Variants in RAD51B observed in about 807,000 individuals in gnomAD.
RAD51B encodes the protein DNA repair protein RAD51 homolog 2.
RAD51B carries 38 observed loss-of-function variants against 42.2 expected under a neutral mutation model. The ratio of observed to expected loss-of-function variants is 0.90; its 90% CI spans 0.70 to 1.18. RAD51B has a LOEUF of 1.18. Ranked by LOEUF, RAD51B falls within the 50% of genes most tolerant of loss-of-function variation. The pLI is 0.00. For missense variants in RAD51B, 373 were observed against 400.7 expected (o/e 0.93, Z 0.59); for synonymous variants, 154 against 145.2 (o/e 1.06, Z -0.43).
chr14:68,648,076 C>G (rs543302378), intron 10 of RAD51B, among the ~76,000 whole-genome samples: 1 of 79,298 alleles, frequency 1.3e-5, no homozygotes, highest in Non-Finnish European at 2.5e-5. Context: ...TATATATACA[C>G]GTATATATAC....
At chr14:67,823,716 G>C in intron 2 of RAD51B, 89 bp downstream of exon 2, 1 of 948,492 alleles carries the variant, frequency 1.1e-6, no homozygotes, top group African/African-American at 1.7e-5. Context: ...ATATGAAAAT[G>C]TAGGCTTACA....
intron 7 of RAD51B, among the ~76,000 whole-genome samples, chr14:68,173,260 T>C (rs1337002110): frequency 6.6e-6 from 1 of 152,268 alleles, no homozygotes; most frequent in Non-Finnish European, 1.5e-5. Flanking sequence ...TAGAGCCATT[T>C]GTAGTTAATA....
intron 8 of RAD51B, among the ~76,000 whole-genome samples, chr14:68,396,429 ATAATG>A (rs1274632146): frequency 1.3e-5 from 2 of 152,242 alleles, no homozygotes; most frequent in African/African-American, 2.4e-5. Context: ...GATAAAATAA[ATAATG>A]TAATTATCAG....
At chr14:68,247,939 A>G (rs542327712) in intron 7 of RAD51B, among the ~76,000 whole-genome samples, 1 of 152,342 alleles carries the variant, frequency 6.6e-6, no homozygotes, top group Admixed American at 6.5e-5. Context: ...AAATGCCTTC[A>G]TGTACATTTC....
At chr14:67,950,408 C>A (rs2074422065) in intron 7 of RAD51B, among the ~76,000 whole-genome samples, 2 of 152,196 alleles carry the variant, frequency 1.3e-5, no homozygotes, top group African/African-American at 2.4e-5. Context: ...TAGCTTCCAA[C>A]TTTTCTTTTA....
chr14:68,497,622 C>A, intron 10 of RAD51B: 1 of 761,462 alleles, frequency 1.3e-6, no homozygotes, highest in Non-Finnish European at 1.7e-6. Context: ...GCATCTCTGT[C>A]TAGTTCCAAA....
chr14:68,248,059 G>A (rs959247239), intron 7 of RAD51B, among the ~76,000 whole-genome samples: 1 of 152,184 alleles, frequency 6.6e-6, no homozygotes, highest in African/African-American at 2.4e-5. Context: ...CAACTCACCA[G>A]CACAGCGAGG....
At position 68,632,231 on chromosome 14, in the gene RAD51B, C is replaced by T. The variant is rs535116911; in HGVS notation, c.1037-18550C>T. Among the ~76,000 whole-genome samples the T allele has an allele frequency of 2.2e-4, 33 of 152,122 alleles. 1 individual carries two copies. Among genetic ancestry groups the T allele is most frequent in the Non-Finnish European group, 3.8e-4 (26 of 68,032 alleles). ...CTAGTGTCTGGAGCTTCACATCCTC[C>T]GGGAGGTTCTTTACTGATACTTTCA... On this transcript the variant is annotated intron_variant, in intron 10 of 11. Coordinates refer to the RAD51B transcript ENST00000488612.
intron 7 of RAD51B, among the ~76,000 whole-genome samples, chr14:68,156,196 G>A (rs945524053): frequency 3.3e-5 from 5 of 152,166 alleles, no homozygotes; most frequent in Non-Finnish European, 7.4e-5. Flanking sequence ...CAGACAATTT[G>A]CTATGTCATC....
intron 7 of RAD51B, among the ~76,000 whole-genome samples, chr14:68,158,089 A>T (rs2078554113): frequency 6.6e-6 from 1 of 152,160 alleles, no homozygotes. Context: ...CTTGTGGCAG[A>T]CTATTCTCAC....
intron 7 of RAD51B, among the ~76,000 whole-genome samples, chr14:67,923,298 C>CTTTT (rs34809964): frequency 1.1e-4 from 13 of 123,662 alleles, no homozygotes; most frequent in African/African-American, 2.9e-4. Context: ...TTTTCTTTTT[C>CTTTT]TTTTTTTTTT....
At chr14:68,422,963 C>T (rs1259899174) in intron 9 of RAD51B, among the ~76,000 whole-genome samples, 1 of 152,040 alleles carries the variant, frequency 6.6e-6, no homozygotes, top group Non-Finnish European at 1.5e-5. Flanking sequence ...TTTTTTTTCA[C>T]TGAGGGTCTC....
intron 7 of RAD51B, among the ~76,000 whole-genome samples, chr14:67,974,335 G>T (rs1304498894): frequency 6.6e-6 from 1 of 152,022 alleles, no homozygotes; most frequent in Non-Finnish European, 1.5e-5. Flanking sequence ...ACATGAATAT[G>T]TTTAAAAGCC....
intron 7 of RAD51B, among the ~76,000 whole-genome samples, chr14:67,972,056 C>T (rs566305969): frequency 2.1e-4 from 32 of 149,998 alleles, no homozygotes; most frequent in Admixed American, 5.4e-4. Context: ...GTGCCTTGTA[C>T]GTGTTCTAGC....
At chr14:68,646,647 AC>A (rs1325779795) in intron 10 of RAD51B, among the ~76,000 whole-genome samples, 1 of 152,190 alleles carries the variant, frequency 6.6e-6, no homozygotes, top group Non-Finnish European at 1.5e-5. Context: ...TACTTAGATT[AC>A]ATATATCTAT....
At chr14:68,272,312 T>C (rs1308741655) in intron 7 of RAD51B, among the ~76,000 whole-genome samples, 1 of 152,114 alleles carries the variant, frequency 6.6e-6, no homozygotes, top group Non-Finnish European at 1.5e-5. Context: ...ATTTCTCATT[T>C]GCTGTGTGAC....
intron 8 of RAD51B, among the ~76,000 whole-genome samples, chr14:68,295,197 A>C (rs1289686081): frequency 2.6e-5 from 4 of 152,304 alleles, no homozygotes; most frequent in Non-Finnish European, 4.4e-5. Flanking sequence ...CTTGGGGTGT[A>C]CTTCTCCCTT....
Position 68,563,294 on chromosome 14 carries a change from A to G in RAD51B, c.1037-31191A>G, listed in dbSNP as rs1018418641. 7.1e-6 allele frequency: 7 copies of G among 985,274 alleles called. No individual in the cohort carries two copies. In the Admixed American group the frequency reaches 2.5e-4, roughly 35 times the overall value. 61.0% of individuals were successfully genotyped at this position (985,274 alleles called of 1,614,324 possible). On this transcript the variant is annotated intron_variant, in intron 10 of 10. Transcript: ENST00000487270. ...CAGAATGGGCCAAGCCGAGCCTGCAATGGGCTTGTTCTCTCCTCGGGGCGT... is the reference window on the plus strand; with the variant it reads ...CAGAATGGGCCAAGCCGAGCCTGCAGTGGGCTTGTTCTCTCCTCGGGGCGT...
intron 8 of RAD51B, among the ~76,000 whole-genome samples, chr14:68,324,778 A>G (rs2082218919): frequency 6.6e-6 from 1 of 151,744 alleles, no homozygotes; most frequent in African/African-American, 2.4e-5. Context: ...GGTTTATATC[A>G]CCTCCTAGGC....
Sources: gnomAD v4.1 joint callset for allele counts (sites outside exome capture counted in the v4.1 genomes callset) on GRCh38, gnomAD v4.1.1 for gene constraint, MANE v1.5 for transcripts, NCBI Gene and HGNC (gene_info 2026-07-23, HGNC 2026-07-21) for gene names.